PLCB4: variants seen among roughly 807,000 people sequenced by gnomAD.
The protein encoded by PLCB4 is phospholipase C beta 4.
A neutral mutation model predicts 178.8 loss-of-function variants in PLCB4; 77 were observed. The observed-to-expected ratio is 0.43, with a 90% CI of 0.36 to 0.52. PLCB4 has a LOEUF of 0.52. Ranked by LOEUF, PLCB4 falls within the 20% of genes least tolerant of loss-of-function variation. The pLI, the probability that PLCB4 is intolerant of heterozygous loss-of-function variation, is 0.00. For missense variants in PLCB4, 1,024 were observed against 1,453.4 expected (o/e 0.70, Z 4.80); for synonymous variants, 496 against 490.8 (o/e 1.01, Z -0.14).
At chr20:9,395,833 G>C (rs1476473163) in intron 19 of PLCB4, among the ~76,000 whole-genome samples, 1 of 152,030 alleles carries the variant, frequency 6.6e-6, no homozygotes, top group Non-Finnish European at 1.5e-5. Context: ...TTAGCCAGAC[G>C]TGGTGGCCTG....
intron 7 of PLCB4, among the ~76,000 whole-genome samples, chr20:9,341,981 T>C (rs931922026): frequency 6.6e-6 from 1 of 152,160 alleles, no homozygotes; most frequent in Non-Finnish European, 1.5e-5. Flanking sequence ...TATAAATAAA[T>C]ATAAATCTCA....
intron 3 of PLCB4, among the ~76,000 whole-genome samples, chr20:9,244,227 A>T (rs1160621684): frequency 6.6e-6 from 1 of 152,206 alleles, no homozygotes; most frequent in African/African-American, 2.4e-5. Context: ...GAAACCCCCA[A>T]GATAATTGGG....
intron 2 of PLCB4, among the ~76,000 whole-genome samples, chr20:9,180,288 C>G: frequency 6.6e-6 from 1 of 152,218 alleles, no homozygotes; most frequent in Admixed American, 6.5e-5. Flanking sequence ...GATCGGCTAG[C>G]TTATACTCTG....
At position 9,355,746 on chromosome 20, in the gene PLCB4, G is replaced by A. The variant is rs56687248; in HGVS notation, c.370-7150G>A. 7.9e-5 allele frequency among the ~76,000 whole-genome samples: 12 copies of A among 151,634 alleles called. 1 individual carries two copies. Among genetic ancestry groups the A allele is most frequent in the Middle Eastern group, 6.8e-3 (2 of 294 alleles). On this transcript the variant is annotated intron_variant, in intron 7 of 39. Transcript: ENST00000378473. Reference sequence around the variant, plus strand: ...AGTCTTTGCTATTGTGAATAGTGCCGCAATAAACATATGTGTGCATGTGTC... The same window carrying A: ...AGTCTTTGCTATTGTGAATAGTGCCACAATAAACATATGTGTGCATGTGTC...
intron 2 of PLCB4, among the ~76,000 whole-genome samples, chr20:9,137,179 C>T (rs886952843): frequency 2.0e-5 from 3 of 152,114 alleles, no homozygotes; most frequent in Non-Finnish European, 4.4e-5. Flanking sequence ...TTTCCCTAAT[C>T]CCTGCCCACA....
intron 2 of PLCB4, among the ~76,000 whole-genome samples, chr20:9,194,282 G>A (rs1462419362): frequency 6.6e-6 from 1 of 152,182 alleles, no homozygotes; most frequent in Non-Finnish European, 1.5e-5. Flanking sequence ...CTGTTTAGAT[G>A]TTTGTATTTT....
At chr20:9,343,935 CCCAGGCCAATGGT>C (rs2033520068) in intron 7 of PLCB4, among the ~76,000 whole-genome samples, 2 of 152,352 alleles carry the variant, frequency 1.3e-5, no homozygotes, top group East Asian at 1.9e-4. Context: ...GACACAGTGG[CCCAGGCCAATGGT>C]CCAGGCCAAT....
At chr20:9,090,935 C>T (rs1157746509) in intron 1 of PLCB4, among the ~76,000 whole-genome samples, 1 of 151,952 alleles carries the variant, frequency 6.6e-6, no homozygotes, top group Non-Finnish European at 1.5e-5. Context: ...TGTTTTCTTT[C>T]GACAGTAGAC....
At chr20:9,102,301 G>A (rs933234354) in intron 2 of PLCB4, among the ~76,000 whole-genome samples, 7 of 152,150 alleles carry the variant, frequency 4.6e-5, no homozygotes, top group African/African-American at 1.7e-4. Flanking sequence ...TAATAGTTCT[G>A]TATAGATGAT....
In PLCB4 at chr20:9,153,404, G is replaced by A. The variant is rs191215669; in HGVS notation, c.-79+57062G>A. Among the ~76,000 whole-genome samples, 397 of 152,190 alleles carry A rather than the reference G, an allele frequency of 2.6e-3. 1 individual carries two copies. The highest frequency in any genetic ancestry group is 9.0e-3 in the African/African-American group (375 of 41,530). ...TAAATCATGGGGGTTGGTCTTTGCC[G>A]TGTTATTCTCTTGATAGTGAATACA... On this transcript the variant is annotated intron_variant, in intron 2 of 39. Coordinates refer to ENST00000378473, the MANE Select transcript of PLCB4 (RefSeq NM_001377142.1).
intron 1 of PLCB4, among the ~76,000 whole-genome samples, chr20:9,084,207 GTTTC>G (rs778117227): frequency 2.0e-5 from 3 of 152,188 alleles, no homozygotes; most frequent in South Asian, 2.1e-4. Flanking sequence ...TCTTTAGCCT[GTTTC>G]TTTATCTGTT....
chr20:9,430,523 T>A (rs926082775), intron 28 of PLCB4, among the ~76,000 whole-genome samples: 2 of 152,228 alleles, frequency 1.3e-5, no homozygotes, highest in African/African-American at 4.8e-5. Context: ...AGGCAGCATG[T>A]TAGGATCTGG....
intron 28 of PLCB4, among the ~76,000 whole-genome samples, chr20:9,429,473 G>A (rs572381813): frequency 6.6e-6 from 1 of 152,144 alleles, no homozygotes; most frequent in Non-Finnish European, 1.5e-5. Flanking sequence ...AAGATACTGG[G>A]TTTACTTGAA....
At chr20:9,170,605 G>C (rs920937527) in intron 2 of PLCB4, among the ~76,000 whole-genome samples, 2 of 152,130 alleles carry the variant, frequency 1.3e-5, no homozygotes, top group African/African-American at 4.8e-5. Flanking sequence ...TCATCATTTA[G>C]CCTGAAATAT....
chr20:9,137,251 C>T (rs1249755569), intron 2 of PLCB4, among the ~76,000 whole-genome samples: 1 of 151,996 alleles, frequency 6.6e-6, no homozygotes, highest in Non-Finnish European at 1.5e-5. Context: ...CATCTGTTTC[C>T]TGCTGGGACC....
Position 9,401,569 on chromosome 20 carries a change from T to G in PLCB4, c.1590T>G (p.Ala530=). 1 of 1,612,880 alleles carries G rather than the reference T, an allele frequency of 6.2e-7. No homozygotes were observed. Among genetic ancestry groups the G allele is most frequent in the Non-Finnish European group, 8.5e-7 (1 of 1,178,928 alleles). The part of the protein sequence containing the change: ...LSADDLGHKE[A]VANSVKKASD... ...CTGATGACTTGGGTCACAAGGAAGCTGTTGCAAATAGCGTCAAGAAGGTCA... is the reference window on the plus strand; with the variant it reads ...CTGATGACTTGGGTCACAAGGAAGCGGTTGCAAATAGCGTCAAGAAGGTCA... The change falls in exon 20 of 40, where the codon GCT becomes GCG. Residue 530 remains alanine (A), a synonymous_variant. Coordinates refer to ENST00000378473, the MANE Select transcript of PLCB4 (RefSeq NM_001377142.1).
intron 25 of PLCB4, among the ~76,000 whole-genome samples, chr20:9,415,180 C>T (rs1436667351): frequency 1.3e-5 from 2 of 152,118 alleles, no homozygotes; most frequent in East Asian, 3.8e-4. Flanking sequence ...TTTGGATATT[C>T]TGTTTTGTGA....
intron 2 of PLCB4, among the ~76,000 whole-genome samples, chr20:9,185,640 G>A (rs1568915041): frequency 6.6e-6 from 1 of 152,132 alleles, no homozygotes; most frequent in Non-Finnish European, 1.5e-5. Flanking sequence ...AGCCCTCCAA[G>A]GGGTCCTCAT....
At chr20:9,348,807 T>A (rs1418291778) in intron 7 of PLCB4, among the ~76,000 whole-genome samples, 1 of 152,318 alleles carries the variant, frequency 6.6e-6, no homozygotes, top group Non-Finnish European at 1.5e-5. Context: ...TTTCGGGGAA[T>A]TTTGTCACCT....
Sources: gnomAD v4.1 joint callset for allele counts (sites outside exome capture counted in the v4.1 genomes callset) on GRCh38, gnomAD v4.1.1 for gene constraint, MANE v1.5 for transcripts, NCBI Gene and HGNC (gene_info 2026-07-23, HGNC 2026-07-21) for gene names.